ZNF236: variants seen among roughly 807,000 people sequenced by gnomAD.
ZNF236 encodes zinc finger protein 236, also known as regulated by glucose.
In ZNF236, 50 loss-of-function variants were observed where a neutral mutation model predicts 191.2. The ratio of observed to expected loss-of-function variants is 0.26; its 90% CI spans 0.21 to 0.33. The LOEUF (loss-of-function observed/expected upper bound fraction) is 0.33. ZNF236 is among the 10% of genes least tolerant of loss of function. ZNF236 has a pLI of 1.00. For missense variants in ZNF236, 1,754 were observed against 2,374.5 expected, an observed-to-expected ratio of 0.74 and a Z score of 5.43; for synonymous variants, 907 against 928.8, an observed-to-expected ratio of 0.98 and a Z score of 0.43.
intron 1 of ZNF236, chr18:76,824,510 G>A (rs1974962249): frequency 5.1e-6 from 4 of 776,932 alleles, no homozygotes; most frequent in Non-Finnish European, 9.6e-6. Context: ...CCGCTTTTGA[G>A]TTTTGGCCTT....
chr18:76,913,645 G>A (rs986807798), intron 17 of ZNF236, 102 bp from the exon 18 acceptor site: 38 of 1,257,532 alleles, frequency 3.0e-5, no homozygotes, highest in Non-Finnish European at 3.6e-5. Flanking sequence ...ATGTTTCATG[G>A]TTGTTGGTGA....
At chr18:76,873,568 G>A (rs933877433) in intron 5 of ZNF236, among the ~76,000 whole-genome samples, 4 of 152,306 alleles carry the variant, frequency 2.6e-5, no homozygotes, top group African/African-American at 4.8e-5. Context: ...AGGCAATTCC[G>A]TGTTCTGGGC....
chr18:76,955,591 A>G (rs1368716651), intron 27 of ZNF236, among the ~76,000 whole-genome samples: 1 of 152,254 alleles, frequency 6.6e-6, no homozygotes, highest in Non-Finnish European at 1.5e-5. Context: ...AGCTACTACC[A>G]GTAGCGAGCA....
At chr18:76,887,964 A>G (rs1203091701) in intron 9 of ZNF236, 2 of 151,066 alleles carry the variant, frequency 1.3e-5, no homozygotes, top group Non-Finnish European at 2.9e-5. Flanking sequence ...GATTTGTATA[A>G]TGATTATTTG....
At chr18:76,963,045 T>C (rs565875478) in intron 30 of ZNF236, among the ~76,000 whole-genome samples, 2 of 152,226 alleles carry the variant, frequency 1.3e-5, no homozygotes, top group African/African-American at 2.4e-5. Context: ...ACTTCCTCTT[T>C]ACTGATTTGG....
chr18:76,917,663 G>A (rs557261899), intron 19 of ZNF236, among the ~76,000 whole-genome samples: 1 of 152,134 alleles, frequency 6.6e-6, no homozygotes, highest in East Asian at 1.9e-4. Flanking sequence ...GTTTCATGCT[G>A]TCTGTCTGTC....
intron 1 of ZNF236, among the ~76,000 whole-genome samples, chr18:76,837,828 T>C (rs1975381013): frequency 6.6e-6 from 1 of 152,188 alleles, no homozygotes; most frequent in African/African-American, 2.4e-5. Context: ...TTGTTAAAAA[T>C]CAATGGATGA....
intron 3 of ZNF236, among the ~76,000 whole-genome samples, chr18:76,867,670 G>T (rs780928671): frequency 2.0e-5 from 3 of 152,228 alleles, no homozygotes; most frequent in Admixed American, 6.5e-5. Context: ...CCAAATGAGT[G>T]AATTAACTGA....
At chr18:76,937,875 A>G (rs1171539108) in intron 26 of ZNF236, among the ~76,000 whole-genome samples, 2 of 152,180 alleles carry the variant, frequency 1.3e-5, no homozygotes, top group Non-Finnish European at 2.9e-5. Flanking sequence ...AACCTTTCAG[A>G]CTTTAATTAG....
At chr18:76,826,643 AC>A (rs1471361584) in intron 1 of ZNF236, among the ~76,000 whole-genome samples, 6 of 150,250 alleles carry the variant, frequency 4.0e-5, no homozygotes, top group Admixed American at 6.6e-5. Context: ...AAAAAAAAAT[AC>A]CAAAGTTAGC....
At chr18:76,922,171 C>T (rs1330430322) in intron 20 of ZNF236, among the ~76,000 whole-genome samples, 1 of 152,072 alleles carries the variant, frequency 6.6e-6, no homozygotes, top group African/African-American at 2.4e-5. Context: ...ATTAATCTTA[C>T]CAGACCCCTC....
intron 13 of ZNF236, among the ~76,000 whole-genome samples, chr18:76,905,960 T>C (rs1977729264): frequency 6.6e-6 from 1 of 152,252 alleles, no homozygotes; most frequent in South Asian, 2.1e-4. Flanking sequence ...TGACTAGTGC[T>C]GGGGCCTATT....
chr18:76,939,886 T>C (rs868477402), intron 26 of ZNF236, among the ~76,000 whole-genome samples: 528 of 80,214 alleles, frequency 6.6e-3, no homozygotes, highest in Middle Eastern at 8.9e-3. Flanking sequence ...TTTGGGAACA[T>C]GGTGGGCTGC....
chr18:76,878,191 A>C (rs1328697329), intron 7 of ZNF236, 39 bp downstream of exon 7: 1 of 1,536,082 alleles, frequency 6.5e-7, no homozygotes, highest in African/African-American at 1.4e-5. Context: ...TTTTAAACTA[A>C]AATCTGTCAT....
At chr18:76,832,405 C>G (rs1214514967) in intron 1 of ZNF236, among the ~76,000 whole-genome samples, 1 of 151,778 alleles carries the variant, frequency 6.6e-6, no homozygotes, top group Non-Finnish European at 1.5e-5. Context: ...TAGATTGACA[C>G]TTCATCTGAA....
At chr18:76,835,222 A>G (rs1975287616) in intron 1 of ZNF236, among the ~76,000 whole-genome samples, 1 of 152,140 alleles carries the variant, frequency 6.6e-6, no homozygotes, top group Admixed American at 6.6e-5. Flanking sequence ...TTTTGAAATT[A>G]CCTTCATTGT....
At chr18:76,836,744 A>AT (rs1336582340) in intron 1 of ZNF236, among the ~76,000 whole-genome samples, 4 of 151,236 alleles carry the variant, frequency 2.6e-5, no homozygotes, top group Admixed American at 6.6e-5. Flanking sequence ...CGCCTGGCTA[A>AT]TTTTTTGTAT....
At chr18:76,965,066 C>T (rs1968740404) in intron 30 of ZNF236, among the ~76,000 whole-genome samples, 1 of 152,088 alleles carries the variant, frequency 6.6e-6, no homozygotes, top group African/African-American at 2.4e-5. Flanking sequence ...TTCTTGGAGG[C>T]TTTGTTCATA....
intron 3 of ZNF236, among the ~76,000 whole-genome samples, chr18:76,861,453 G>A (rs1976220533): frequency 6.6e-6 from 1 of 152,164 alleles, no homozygotes; most frequent in Non-Finnish European, 1.5e-5. Context: ...TAGTGGTTGG[G>A]CGGCTGCGAA....
Sources: allele counts gnomAD v4.1 joint callset (sites outside exome capture counted in the v4.1 genomes callset), GRCh38; gene constraint gnomAD v4.1.1; transcripts MANE v1.5; gene names NCBI Gene and HGNC (gene_info 2026-07-23, HGNC 2026-07-21).